MSH3: variants seen among roughly 807,000 people sequenced by gnomAD.
The protein encoded by MSH3 is mutS homolog 3, also known as DNA mismatch repair protein Msh3.
In MSH3, 106 loss-of-function variants were observed where a neutral mutation model predicts 123.3. That is an observed-to-expected ratio of 0.86 (90% CI 0.73 to 1.01). MSH3 has a LOEUF of 1.01. Among genes scored for constraint, MSH3 ranks in the 50% least tolerant of loss-of-function variants. The pLI, the probability that MSH3 is intolerant of heterozygous loss-of-function variation, is 0.00. For missense variants in MSH3, 1,459 were observed against 1,347.6 expected (o/e 1.08, Z -1.29); for synonymous variants, 515 against 481.4 (o/e 1.07, Z -0.91).
At chr5:80,859,725 T>G (rs1745983600) in intron 21 of MSH3, among the ~76,000 whole-genome samples, 2 of 151,134 alleles carry the variant, frequency 1.3e-5, no homozygotes, top group Non-Finnish European at 2.9e-5. Flanking sequence ...TTTTTTTTTT[T>G]TTGTTTTTTG....
At position 80,670,221 on chromosome 5, in the gene MSH3, A is replaced by G. The variant is rs1749674160; in HGVS notation, c.704A>G (p.Gln235Arg). ...AGCATCTATACGCCGCTAGAATTAC[A>G]ATACATAGAAATGAAGCAGCAGCAC... The part of the protein sequence containing the change: ...SKSIYTPLEL[Q>R]YIEMKQQHKD... The change falls in exon 4 of 24, where the codon CAA (glutamine) becomes CGA (arginine). Residue 235 changes from glutamine (Q) to arginine (R), a missense_variant. Physicochemically the swap from Gln to Arg is conservative, Grantham distance 43. Transcript: ENST00000265081. The G allele has an allele frequency of 1.2e-6, 2 of 1,614,190 alleles. No homozygotes were observed. Among genetic ancestry groups the G allele is most frequent in the Non-Finnish European group, 1.7e-6 (2 of 1,180,020 alleles).
At chr5:80,780,976 GAT>G (rs1302035339) in intron 17 of MSH3, among the ~76,000 whole-genome samples, 2 of 152,110 alleles carry the variant, frequency 1.3e-5, no homozygotes, top group South Asian at 2.1e-4. Context: ...AAACAAAAAA[GAT>G]ATGTGAGAAT....
chr5:80,656,593 G>T (rs1235949614), intron 2 of MSH3, 62 bp downstream of exon 2: 3 of 1,605,026 alleles, frequency 1.9e-6, no homozygotes, highest in Non-Finnish European at 2.6e-6. Flanking sequence ...GAATTCTCCA[G>T]AGGGCAGAAG....
chr5:80,737,994 A>G (rs1180854860), intron 10 of MSH3, among the ~76,000 whole-genome samples: 1 of 152,250 alleles, frequency 6.6e-6, no homozygotes, highest in Admixed American at 6.5e-5. Flanking sequence ...ACAAAAACAC[A>G]CACAGCAAAA....
At chr5:80,746,829 C>CT (rs1322107152) in intron 12 of MSH3, 1 of 299,874 alleles carries the variant, frequency 3.3e-6, no homozygotes, top group Admixed American at 4.4e-5. Context: ...GGTGTTTGAG[C>CT]TTAAGGAGAC....
Position 80,778,854 on chromosome 5 carries a change from A to AAATATAATCT in MSH3, c.2435+19_2435+28dup. ...TTTCTAGAGTGAGTTTACAATGAAA[A>AAATATAATCT]AATATAATCTGACTTTTTGCTATCA... On this transcript the variant is annotated intron_variant, in intron 17 of 23. Coordinates refer to ENST00000265081, the MANE Select transcript of MSH3 (RefSeq NM_002439.5). 7.4e-7 allele frequency: 1 copy of AAATATAATCT among 1,352,774 alleles called. No homozygotes were observed. Among genetic ancestry groups the AAATATAATCT allele is most frequent in the Non-Finnish European group, 1.1e-6 (1 of 941,388 alleles). The allele number at this position is 1,352,774 out of a possible 1,614,324, so 83.8% of individuals were successfully genotyped here. A position where few individuals can be genotyped will look rare whatever the true frequency, so the allele number is the denominator to read the frequency against.
chr5:80,709,055 G>A (rs1307884448), intron 8 of MSH3, among the ~76,000 whole-genome samples: 1 of 152,092 alleles, frequency 6.6e-6, no homozygotes, highest in Non-Finnish European at 1.5e-5. Context: ...GATTACAGGT[G>A]TGAGCCATGG....
At chr5:80,662,875 A>G (rs553880588) in intron 2 of MSH3, among the ~76,000 whole-genome samples, 6 of 152,266 alleles carry the variant, frequency 3.9e-5, no homozygotes, top group African/African-American at 1.4e-4. Flanking sequence ...AATTTGGGAC[A>G]TACACACAGA....
At chr5:80,828,096 G>A (rs775947166) in intron 20 of MSH3, among the ~76,000 whole-genome samples, 1 of 151,996 alleles carries the variant, frequency 6.6e-6, no homozygotes, top group Non-Finnish European at 1.5e-5. Flanking sequence ...TTTACATGAG[G>A]GCTCATTGGG....
intron 20 of MSH3, among the ~76,000 whole-genome samples, chr5:80,827,140 A>G (rs931483341): frequency 1.1e-4 from 16 of 152,246 alleles, no homozygotes; most frequent in Non-Finnish European, 4.4e-5. Context: ...TAGAAAAGCA[A>G]TGAATTATTA....
At chr5:80,858,761 A>C (rs928155123) in intron 21 of MSH3, among the ~76,000 whole-genome samples, 11 of 151,624 alleles carry the variant, frequency 7.3e-5, no homozygotes, top group African/African-American at 2.4e-4. Context: ...GTCCTTACTG[A>C]TTTTCTGCCT....
chr5:80,776,125 G>C (rs1217490242), intron 16 of MSH3, among the ~76,000 whole-genome samples: 2 of 152,022 alleles, frequency 1.3e-5, no homozygotes, highest in African/African-American at 4.8e-5. Flanking sequence ...CCTGACCTCA[G>C]GTGATTCACC....
At chr5:80,782,297 T>C (rs1233614687) in intron 17 of MSH3, among the ~76,000 whole-genome samples, 1 of 152,230 alleles carries the variant, frequency 6.6e-6, no homozygotes, top group African/African-American at 2.4e-5. Flanking sequence ...CAACTGCAGA[T>C]TGAAAATATT....
In MSH3 at chr5:80,695,844, G is replaced by C. The variant is rs1349673349; in HGVS notation, c.1340+16751G>C. ...TTTTTCATTCAGTTGGAGGTTTGGA[G>C]GTTTTCCTGTTATTTGGTATGATGA... On this transcript the variant is annotated intron_variant, in intron 8 of 23. Coordinates refer to ENST00000265081, the MANE Select transcript of MSH3 (RefSeq NM_002439.5). 2.6e-5 allele frequency among the ~76,000 whole-genome samples: 4 copies of C among 152,208 alleles called. No individual in the cohort carries two copies. In the East Asian group the frequency reaches 7.7e-4, roughly 29 times the overall value.
At chr5:80,873,050 C>T (rs2112128419) in intron 22 of MSH3, 66 bp from the exon 23 acceptor site, 2 of 1,386,262 alleles carry the variant, frequency 1.4e-6, no homozygotes, top group Non-Finnish European at 2.1e-6. Flanking sequence ...CTTACATGTC[C>T]TTTTTAATCC....
intron 12 of MSH3, among the ~76,000 whole-genome samples, chr5:80,749,690 A>C (rs998474992): frequency 6.6e-6 from 1 of 152,194 alleles, no homozygotes; most frequent in East Asian, 1.9e-4. Context: ...TAATATATCT[A>C]TCACCTCAAA....
chr5:80,737,390 CA>C (rs1232612832), intron 10 of MSH3, among the ~76,000 whole-genome samples: 1 of 151,940 alleles, frequency 6.6e-6, no homozygotes, highest in Non-Finnish European at 1.5e-5. Flanking sequence ...CAGCTTTTGA[CA>C]AAGATGTTTC....
chr5:80,813,104 C>T (rs1247547726), intron 19 of MSH3, among the ~76,000 whole-genome samples: 1 of 152,230 alleles, frequency 6.6e-6, no homozygotes, highest in East Asian at 1.9e-4. Context: ...TAATTAAATG[C>T]TGGTAAACCA....
chr5:80,865,486 G>C (rs1003685045), intron 22 of MSH3, among the ~76,000 whole-genome samples: 1 of 152,144 alleles, frequency 6.6e-6, no homozygotes, highest in Non-Finnish European at 1.5e-5. Context: ...CACTTCTTCT[G>C]CTTCTGGGTT....
Sources: allele counts gnomAD v4.1 joint callset (sites outside exome capture counted in the v4.1 genomes callset), GRCh38; gene constraint gnomAD v4.1.1; transcripts MANE v1.5; gene names NCBI Gene and HGNC (gene_info 2026-07-23, HGNC 2026-07-21).